Variants in ZBED4 observed in about 807,000 individuals in gnomAD.
ZBED4 encodes the protein zinc finger BED domain-containing protein 4.
Under a neutral mutation model 15.5 loss-of-function variants are expected in ZBED4, and 4 were observed. The observed-to-expected ratio is 0.26, with a 90% CI of 0.13 to 0.59. The LOEUF (loss-of-function observed/expected upper bound fraction) is 0.59. Ranked by LOEUF, ZBED4 falls within the 20% of genes least tolerant of loss-of-function variation. ZBED4 has a pLI of 0.90. For synonymous variants in ZBED4, 692 were observed against 608.5 expected (o/e 1.14, Z -2.02); for missense variants, 1,323 against 1,461.8 (o/e 0.91, Z 1.55).
rs1020038365 is a variant in ZBED4, at chr22:49,885,493, G to A, written c.1831G>A (p.Val611Met). 63 of 1,611,922 alleles carry A rather than the reference G, an allele frequency of 3.9e-5. No individual in the cohort carries two copies. The highest frequency in any genetic ancestry group is 6.7e-5 in the East Asian group (3 of 44,770). The change falls in exon 2 of 2, where the codon GTG becomes ATG. Residue 611 changes from valine (V) to methionine (M), a missense_variant. Physicochemically the swap from Val to Met is conservative, Grantham distance 21. Transcript: ENST00000216268. ...ACATTTACAGCGGTTCCATAGCAAC[G>A]TGCTGAAAACTGAGGTCTCGGAGAC... ...LRHLQRFHSNVLKTEVSETAR... is the reference protein window; with the variant it reads ...LRHLQRFHSNMLKTEVSETAR...
rs540836724 is a variant in ZBED4, at chr22:49,865,501, A to T, written c.-330+11512A>T. 1.9e-4 allele frequency among the ~76,000 whole-genome samples: 29 copies of T among 152,042 alleles called. No homozygotes were observed. The South Asian group carries it at 2.3e-3, about 12-fold the overall frequency. On this transcript the variant is annotated intron_variant, in intron 1 of 1. Transcript: ENST00000216268. Reference sequence around the variant, plus strand: ...CCGTCTCTATTAAAATACAAAAAAAAAAAAATAATAACCCGTCTCTATTAA... The same window carrying T: ...CCGTCTCTATTAAAATACAAAAAAATAAAAATAATAACCCGTCTCTATTAA...
At chr22:49,864,147 C>T (rs1244040454) in intron 1 of ZBED4, among the ~76,000 whole-genome samples, 2 of 152,216 alleles carry the variant, frequency 1.3e-5, no homozygotes, top group Admixed American at 1.3e-4. Flanking sequence ...TAGGCCTCTG[C>T]TGGAGTGTGT....
rs142348916 is a variant in ZBED4, at chr22:49,880,911, T to C, written c.-329-2423T>C. Among the ~76,000 whole-genome samples the C allele has an allele frequency of 3.3e-3, 506 of 152,358 alleles. 2 individuals carry two copies. The highest frequency in any genetic ancestry group is 0.012 in the African/African-American group (492 of 41,588). On this transcript the variant is annotated intron_variant, in intron 1 of 1. Transcript: ENST00000216268. ...AAAGCCTTTAATTTCAGCAGTGTTTTGCAGCTTTCAGTATACAGGTCTTCT... is the reference window on the plus strand; with the variant it reads ...AAAGCCTTTAATTTCAGCAGTGTTTCGCAGCTTTCAGTATACAGGTCTTCT...
rs149686381 is a variant in ZBED4, at chr22:49,885,288, A to G, written c.1626A>G (p.Pro542=). Residue 542 remains proline (P), a synonymous_variant, in exon 2 of 2, where the codon CCA becomes CCG. Transcript: ENST00000216268. ...CCTCTTCCAAATTGACTGACTTGCC[A>G]ACAGTGGTCACAAAAAACAATCAAG... ...ESSSSKLTDL[P]TVVTKNNQVM... 644 of 1,595,160 alleles carry G rather than the reference A, an allele frequency of 4.0e-4. 4 individuals carry two copies. The East Asian group carries it at 0.013, about 31-fold the overall frequency.
At chr22:49,863,150 A>G (rs373960382) in intron 1 of ZBED4, among the ~76,000 whole-genome samples, 2 of 152,050 alleles carry the variant, frequency 1.3e-5, no homozygotes, top group East Asian at 1.9e-4. Flanking sequence ...GTGTTCCTCT[A>G]TCCTTTGGTT....
At chr22:49,876,835 T>C (rs1445929531) in intron 1 of ZBED4, among the ~76,000 whole-genome samples, 2 of 152,218 alleles carry the variant, frequency 1.3e-5, no homozygotes, top group Non-Finnish European at 2.9e-5. Flanking sequence ...TTACAAAATA[T>C]AGGAATTCTC....
At chr22:49,855,586 G>A (rs190075144) in intron 1 of ZBED4, among the ~76,000 whole-genome samples, 1 of 152,316 alleles carries the variant, frequency 6.6e-6, no homozygotes, top group African/African-American at 2.4e-5. Context: ...CGAAAGGTGT[G>A]TGTGTGTGTG....
intron 1 of ZBED4, among the ~76,000 whole-genome samples, chr22:49,880,935 C>CT (rs1356502865): frequency 6.6e-6 from 1 of 152,162 alleles, no homozygotes; most frequent in Non-Finnish European, 1.5e-5. Context: ...TACAGGTCTT[C>CT]TTTTTAAGAC....
intron 1 of ZBED4, among the ~76,000 whole-genome samples, chr22:49,870,762 T>A (rs1001825725): frequency 1.4e-4 from 21 of 152,080 alleles, no homozygotes; most frequent in Non-Finnish European, 2.8e-4. Context: ...ATTCAGTGGG[T>A]TTTCTGTTTA....
rs759764876 is a variant in ZBED4, at chr22:49,886,716, G to T, written c.3054G>T (p.Thr1018=). ...LDPRYKASLF[T]EEEAEQYKQD... is the part of the protein sequence containing the mutation. The stretch of plus-strand genomic sequence containing the variant: ...CTCGCTACAAGGCCTCCCTGTTTAC[G>T]GAGGAGGAGGCGGAGCAGTACAAAC... The change falls in exon 2 of 2, where the codon ACG becomes ACT. Residue 1018 remains threonine, a synonymous_variant. Coordinates refer to ENST00000216268, the MANE Select transcript of ZBED4 (RefSeq NM_014838.3). This position sits in a 1 kb window ranked among gnomAD's most constrained non-coding sequence, Gnocchi z 7.7. The T allele has an allele frequency of 2.5e-6, 4 of 1,613,298 alleles. No individual in the cohort carries two copies. In the Admixed American group the frequency reaches 6.7e-5, roughly 27 times the overall value.
chr22:49,857,096 C>T (rs1459913333), intron 1 of ZBED4, among the ~76,000 whole-genome samples: 1 of 152,214 alleles, frequency 6.6e-6, no homozygotes, highest in East Asian at 1.9e-4. Context: ...GGGCTGACTT[C>T]CTCCAAAGCT....
rs938421737 is a variant in ZBED4, at chr22:49,865,504, A to AT, written c.-330+11515_-330+11516insT. On this transcript the variant is annotated intron_variant, in intron 1 of 1. Transcript: ENST00000216268. The stretch of plus-strand genomic sequence containing the variant: ...TCTCTATTAAAATACAAAAAAAAAA[A>AT]AATAATAACCCGTCTCTATTAAAAT... 9.0e-4 allele frequency among the ~76,000 whole-genome samples: 137 copies of AT among 151,608 alleles called. 1 individual carries two copies. In the East Asian group the frequency reaches 0.011, roughly 12 times the overall value.
At chr22:49,862,719 T>TA (rs2060303002) in intron 1 of ZBED4, among the ~76,000 whole-genome samples, 1 of 105,056 alleles carries the variant, frequency 9.5e-6, no homozygotes, top group African/African-American at 2.8e-5. Flanking sequence ...TTTTTTTTTT[T>TA]AGACTTAAGT....
At chr22:49,861,304 G>C (rs1195618436) in intron 1 of ZBED4, among the ~76,000 whole-genome samples, 1 of 151,388 alleles carries the variant, frequency 6.6e-6, no homozygotes, top group African/African-American at 2.4e-5. Context: ...ACCACGCCCA[G>C]CTAATTTTTA....
At chr22:49,859,526 G>A (rs1458958296) in intron 1 of ZBED4, among the ~76,000 whole-genome samples, 3 of 152,044 alleles carry the variant, frequency 2.0e-5, no homozygotes, top group Non-Finnish European at 4.4e-5. Context: ...CCAGGCCTGC[G>A]TCAGCTGCTT....
chr22:49,872,136 A>C (rs2319465), intron 1 of ZBED4, among the ~76,000 whole-genome samples: 97,441 of 151,708 alleles, frequency 0.64, 35,458 homozygotes, highest in East Asian at 0.85. Flanking sequence ...CCCACAGTAG[A>C]ACTTCTTTCA....
Position 49,886,381 on chromosome 22 carries a change from A to G in ZBED4, c.2719A>G (p.Arg907Gly). 6.2e-7 allele frequency: 1 copy of G among 1,610,136 alleles called. No individual in the cohort carries two copies. Among genetic ancestry groups the G allele is most frequent in the South Asian group, 1.1e-5 (1 of 90,844 alleles). ...HMLERLIEQK[R>G]AINEMSVECN... is the part of the protein sequence containing the mutation. ...GCTCGAGCGGCTCATTGAGCAGAAA[A>G]GGGCCATTAACGAGATGTCCGTCGA... The change falls in exon 2 of 2, where the codon AGG becomes GGG. Residue 907 changes from arginine to glycine, a missense_variant. By Grantham distance (125) the Arg-to-Gly change is moderately radical. This residue lies in a region of ZBED4 where 312 missense variants were observed against 410.7 expected (regional missense o/e 0.76). Transcript: ENST00000216268. This position sits in a 1 kb window ranked among gnomAD's most constrained non-coding sequence, Gnocchi z 7.7.
chr22:49,861,833 G>T (rs1016811594), intron 1 of ZBED4, among the ~76,000 whole-genome samples: 2 of 152,188 alleles, frequency 1.3e-5, no homozygotes, highest in Non-Finnish European at 2.9e-5. Flanking sequence ...TGTGACTGAC[G>T]TTGCCGTGTG....
At chr22:49,852,941 G>C (rs903677246), upstream of ZBED4, 31 of 152,316 alleles carry the variant, frequency 2.0e-4, no homozygotes, top group African/African-American at 7.5e-4. Context: ...CTTTGGAACA[G>C]TCGGCGTGCG....
Sources: allele counts gnomAD v4.1 joint callset (sites outside exome capture counted in the v4.1 genomes callset), GRCh38; gene constraint gnomAD v4.1.1; regional missense constraint gnomAD v4.1.1; non-coding constraint Gnocchi (gnomAD v3.1); transcripts MANE v1.5; gene names NCBI Gene and HGNC (gene_info 2026-07-23, HGNC 2026-07-21).